The following EYS variants were observed in gnomAD, a reference collection of about 807,000 sequenced individuals.
EYS encodes the protein protein eyes shut homolog.
EYS carries 250 observed loss-of-function variants against 282.1 expected under a neutral mutation model. The observed-to-expected ratio is 0.89, with a 90% CI of 0.80 to 0.98. The LOEUF is 0.98. Ranked by LOEUF, EYS falls within the 50% of genes least tolerant of loss-of-function variation. EYS has a pLI of 0.00. For synonymous variants in EYS, 1,355 were observed against 1,282.9 expected, an observed-to-expected ratio of 1.06 and a Z score of -1.20; for missense variants, 4,016 against 3,709.0, an observed-to-expected ratio of 1.08 and a Z score of -2.15.
rs185226268 is a variant in EYS, at chr6:64,133,885, T to A, written c.6425-51883A>T. ...CTTTCCTGAGGTTTATCTCTAAGTA[T>A]CCCCTAAAGGATGACTGGGGTGAGA... On this transcript the variant is annotated intron_variant, in intron 31 of 42. Coordinates refer to ENST00000503581, the MANE Select transcript of EYS (RefSeq NM_001142800.2). 5.3e-5 allele frequency among the ~76,000 whole-genome samples: 8 copies of A among 152,084 alleles called. No individual in the cohort carries two copies. In the East Asian group the frequency reaches 1.5e-3, roughly 29 times the overall value.
At chr6:63,944,887 T>C (rs943335602) in intron 35 of EYS, among the ~76,000 whole-genome samples, 10 of 152,210 alleles carry the variant, frequency 6.6e-5, no homozygotes, top group African/African-American at 2.2e-4. Flanking sequence ...TGAGCCAAGA[T>C]CGTGTCACCG....
chr6:64,645,667 C>A (rs1313372668), intron 22 of EYS, among the ~76,000 whole-genome samples: 1 of 151,398 alleles, frequency 6.6e-6, no homozygotes, highest in East Asian at 1.9e-4. Flanking sequence ...AATCGTAGGT[C>A]TTTTTAAAGA....
intron 29 of EYS, among the ~76,000 whole-genome samples, chr6:64,381,164 TTTCTTTATACTAACG>T (rs1214534497): frequency 4.6e-5 from 7 of 152,174 alleles, no homozygotes; most frequent in African/African-American, 1.2e-4. Flanking sequence ...TTTTACTAAC[TTTCTTTATACTAACG>T]TTCTTTATAC....
chr6:64,462,681 TTTAA>T (rs1456375214), intron 26 of EYS, among the ~76,000 whole-genome samples: 17 of 151,976 alleles, frequency 1.1e-4, no homozygotes, highest in African/African-American at 4.1e-4. Flanking sequence ...TTAATACTTG[TTTAA>T]TTGTTTTTTA....
At chr6:63,801,705 A>T (rs2149676773) in intron 37 of EYS, among the ~76,000 whole-genome samples, 1 of 152,338 alleles carries the variant, frequency 6.6e-6, no homozygotes, top group African/African-American at 2.4e-5. Flanking sequence ...GGTTAGGTAA[A>T]AATCATAAGT....
chr6:64,301,587 G>A (rs1304001862), intron 30 of EYS, among the ~76,000 whole-genome samples: 2 of 152,146 alleles, frequency 1.3e-5, no homozygotes, highest in African/African-American at 4.8e-5. Flanking sequence ...TCAGTTGCTA[G>A]GTTATGATCC....
intron 12 of EYS, among the ~76,000 whole-genome samples, chr6:65,152,879 C>T (rs1202522734): frequency 6.7e-6 from 1 of 150,074 alleles, no homozygotes; most frequent in Admixed American, 6.7e-5. Context: ...TAACATACAC[C>T]CTGATGCTGC....
At chr6:65,100,477 T>C (rs1003436129) in intron 12 of EYS, among the ~76,000 whole-genome samples, 2 of 150,824 alleles carry the variant, frequency 1.3e-5, no homozygotes, top group African/African-American at 4.8e-5. Flanking sequence ...ATTGCTATAA[T>C]TGAGTATCAC....
At chr6:65,028,956 T>C (rs1772513229) in intron 13 of EYS, among the ~76,000 whole-genome samples, 1 of 152,100 alleles carries the variant, frequency 6.6e-6, no homozygotes, top group African/African-American at 2.4e-5. Context: ...TTATTATACA[T>C]TTATATAAGA....
chr6:64,684,003 G>A (rs1331938960), intron 22 of EYS, among the ~76,000 whole-genome samples: 1 of 152,130 alleles, frequency 6.6e-6, no homozygotes, highest in African/African-American at 2.4e-5. Context: ...GTCCGCCTCC[G>A]CAGGTCTTTG....
At chr6:64,862,333 C>T (rs1431920641) in intron 19 of EYS, among the ~76,000 whole-genome samples, 6 of 152,138 alleles carry the variant, frequency 3.9e-5, no homozygotes, top group Admixed American at 6.5e-5. Context: ...TGTCTTGTCA[C>T]CTCAATTATC....
intron 35 of EYS, among the ~76,000 whole-genome samples, chr6:63,926,928 T>C (rs1764732674): frequency 6.6e-6 from 1 of 152,224 alleles, no homozygotes; most frequent in Admixed American, 6.5e-5. Context: ...AAGATTTCAA[T>C]AAATATTTGT....
chr6:64,080,490 C>T (rs1269984342), intron 32 of EYS, among the ~76,000 whole-genome samples: 51 of 146,822 alleles, frequency 3.5e-4, no homozygotes, highest in African/African-American at 4.0e-4. Context: ...CAAAAATTTT[C>T]TCCCATTCTG....
intron 1 of EYS, among the ~76,000 whole-genome samples, chr6:65,644,313 A>G (rs1052959496): frequency 3.9e-5 from 6 of 152,218 alleles, no homozygotes; most frequent in Non-Finnish European, 7.3e-5. Context: ...AAGCAAAAGA[A>G]AGAACTTCAG....
chr6:65,441,858 C>G (rs1473325881), intron 5 of EYS, among the ~76,000 whole-genome samples: 1 of 152,042 alleles, frequency 6.6e-6, no homozygotes, highest in Non-Finnish European at 1.5e-5. Context: ...TTTTCTAAAT[C>G]CTGCTCAGAC....
intron 11 of EYS, among the ~76,000 whole-genome samples, chr6:65,298,235 T>G: frequency 6.6e-6 from 1 of 151,996 alleles, no homozygotes; most frequent in Middle Eastern, 3.4e-3. Flanking sequence ...AAATTAAGAG[T>G]AATATGGAAG....
chr6:65,594,710 T>A (rs1220555518), intron 2 of EYS, among the ~76,000 whole-genome samples: 2 of 152,174 alleles, frequency 1.3e-5, no homozygotes, highest in Admixed American at 1.3e-4. Context: ...GCCATTGCTT[T>A]TGGTGTTTTA....
chr6:65,380,967 T>C (rs1417450486), intron 8 of EYS, among the ~76,000 whole-genome samples: 1 of 151,818 alleles, frequency 6.6e-6, no homozygotes, highest in Non-Finnish European at 1.5e-5. Flanking sequence ...GTGGAAATAA[T>C]AGATGCTGGC....
chr6:65,571,650 C>T (rs941259279), intron 2 of EYS, among the ~76,000 whole-genome samples: 4 of 151,908 alleles, frequency 2.6e-5, no homozygotes, highest in Non-Finnish European at 4.4e-5. Context: ...AATATAAATT[C>T]CATGTACTAT....
Sources: allele counts gnomAD v4.1 joint callset (sites outside exome capture counted in the v4.1 genomes callset), GRCh38; gene constraint gnomAD v4.1.1; transcripts MANE v1.5; gene names NCBI Gene and HGNC (gene_info 2026-07-23, HGNC 2026-07-21).